Variants in CENPP observed in about 807,000 individuals in gnomAD.
CENPP encodes centromere protein P.
Under a neutral mutation model 35.6 loss-of-function variants are expected in CENPP, and 24 were observed. That is an observed-to-expected ratio of 0.67 (90% confidence interval 0.49 to 0.95). The LOEUF (loss-of-function observed/expected upper bound fraction) is 0.95. CENPP is among the 40% of genes least tolerant of loss of function. CENPP has a pLI of 0.00. For synonymous variants in CENPP, 120 were observed against 125.5 expected (o/e 0.96, Z 0.29); for missense variants, 332 against 345.3 (o/e 0.96, Z 0.31).
At chr9:92,331,263 C>T (rs1041005542) in intron 1 of CENPP, among the ~76,000 whole-genome samples, 2 of 152,152 alleles carry the variant, frequency 1.3e-5, no homozygotes, top group Admixed American at 1.3e-4. Flanking sequence ...TCACTGCAAG[C>T]TCCGCCTCCC....
At chr9:92,567,393 T>TATATATAG (rs1554688302) in intron 5 of CENPP, among the ~76,000 whole-genome samples, 57 of 124,914 alleles carry the variant, frequency 4.6e-4, no homozygotes, top group African/African-American at 8.5e-4. Context: ...TATATATATA[T>TATATATAG]ATAGATATAT....
At chr9:92,420,397 A>G (rs1843752835) in intron 5 of CENPP, among the ~76,000 whole-genome samples, 1 of 151,854 alleles carries the variant, frequency 6.6e-6, no homozygotes, top group Admixed American at 6.6e-5. Flanking sequence ...CCAAACTCCA[A>G]CTCTGGTTAC....
chr9:92,463,189 C>T (rs749626629), intron 5 of CENPP, among the ~76,000 whole-genome samples: 7 of 152,166 alleles, frequency 4.6e-5, no homozygotes, highest in South Asian at 2.1e-4. Flanking sequence ...ACTTCCTGAA[C>T]GAATAGGAAA....
intron 5 of CENPP, among the ~76,000 whole-genome samples, chr9:92,488,830 G>T (rs767358907): frequency 6.6e-6 from 1 of 152,114 alleles, no homozygotes; most frequent in Non-Finnish European, 1.5e-5. Context: ...ATAACATGAT[G>T]TATTCCTTTT....
chr9:92,516,383 C>A (rs1847723213), intron 5 of CENPP, among the ~76,000 whole-genome samples: 1 of 152,080 alleles, frequency 6.6e-6, no homozygotes, highest in Non-Finnish European at 1.5e-5. Context: ...CGTTTTCTTC[C>A]ATCAAGATTT....
chr9:92,392,491 A>G (rs1358962694), intron 5 of CENPP, among the ~76,000 whole-genome samples: 4 of 152,034 alleles, frequency 2.6e-5, no homozygotes, highest in Admixed American at 6.6e-5. Flanking sequence ...GTGTGGTGGC[A>G]CACACCTCAG....
intron 5 of CENPP, chr9:92,466,719 A>G: frequency 1.5e-6 from 1 of 669,302 alleles, no homozygotes; most frequent in Non-Finnish European, 2.5e-6. Context: ...AGCCCAATCT[A>G]AGCTTTTAAA....
Position 92,330,970 on chromosome 9 carries a change from G to A in CENPP, c.108-1200G>A, listed in dbSNP as rs141217438. 2.0e-3 allele frequency among the ~76,000 whole-genome samples: 309 copies of A among 152,162 alleles called. 1 individual carries two copies. Among genetic ancestry groups the A allele is most frequent in the African/African-American group, 7.2e-3 (299 of 41,550 alleles). ...CTCCCAAAGTGCTGGGATTGCAGGCGTGAGCCACTGCGCCAGGCCAACTAA... is the reference window on the plus strand; with the variant it reads ...CTCCCAAAGTGCTGGGATTGCAGGCATGAGCCACTGCGCCAGGCCAACTAA... On this transcript the variant is annotated intron_variant, in intron 1 of 7. Coordinates refer to ENST00000375587, the MANE Select transcript of CENPP (RefSeq NM_001012267.3).
At chr9:92,553,342 T>C (rs772180346) in intron 5 of CENPP, among the ~76,000 whole-genome samples, 1 of 152,230 alleles carries the variant, frequency 6.6e-6, no homozygotes, top group Non-Finnish European at 1.5e-5. Context: ...GGTTGTGTGA[T>C]GTCTCCAGAT....
Position 92,459,486 on chromosome 9 carries a change from CTTA to C in CENPP, c.564+79628_564+79630del. The C allele has an allele frequency of 5.5e-6, 4 of 723,984 alleles. No individual in the cohort carries two copies. In the East Asian group the frequency reaches 1.1e-4, roughly 19 times the overall value. The allele number at this position is 723,984 out of a possible 1,614,324, so 44.8% of individuals were successfully genotyped here. On this transcript the variant is annotated intron_variant, in intron 5 of 7. Transcript: ENST00000375587. ...CCATTCTCCTAAAGCTCTCCTACTT[CTTA>C]AAACACCTCATGCAACCTGGAGAGT...
At chr9:92,389,931 G>T in intron 5 of CENPP, 2 of 1,613,238 alleles carry the variant, frequency 1.2e-6, no homozygotes, top group Non-Finnish European at 1.7e-6. Flanking sequence ...TTGGGAGGAA[G>T]AACTGGAAGT....
chr9:92,390,840 C>T (rs936956410), intron 5 of CENPP, among the ~76,000 whole-genome samples: 2 of 152,190 alleles, frequency 1.3e-5, no homozygotes, highest in African/African-American at 2.4e-5. Context: ...ATTGTTGAAT[C>T]ATTAATATTG....
intron 4 of CENPP, among the ~76,000 whole-genome samples, chr9:92,369,459 G>C (rs748776588): frequency 6.6e-6 from 1 of 152,162 alleles, no homozygotes; most frequent in Non-Finnish European, 1.5e-5. Context: ...GTGGTTGGAG[G>C]TGTGGATTCT....
chr9:92,587,428 C>T (rs757587516), intron 5 of CENPP, among the ~76,000 whole-genome samples: 4 of 151,888 alleles, frequency 2.6e-5, no homozygotes, highest in East Asian at 1.9e-4. Context: ...GAGATCATGC[C>T]GTTGCACTCC....
chr9:92,494,058 C>G, intron 5 of CENPP: 1 of 1,596,216 alleles, frequency 6.3e-7, no homozygotes, highest in Middle Eastern at 1.7e-4. Flanking sequence ...GCTTACTTGT[C>G]TGTTTGATTT....
intron 1 of CENPP, among the ~76,000 whole-genome samples, chr9:92,330,659 AAAGTTT>A (rs1464387581): frequency 2.0e-5 from 3 of 151,110 alleles, no homozygotes; most frequent in Non-Finnish European, 4.4e-5. Context: ...TTTTTTTAAA[AAAGTTT>A]AAGTTTTTTT....
At chr9:92,436,143 A>G (rs1844240415) in intron 5 of CENPP, among the ~76,000 whole-genome samples, 1 of 152,168 alleles carries the variant, frequency 6.6e-6, no homozygotes, top group South Asian at 2.1e-4. Context: ...TTTAATTTGC[A>G]TTTCCCAAAT....
intron 5 of CENPP, chr9:92,496,380 A>G (rs1182980993): frequency 6.2e-7 from 1 of 1,609,410 alleles, no homozygotes; most frequent in Middle Eastern, 1.7e-4. Flanking sequence ...AATGTGTAAG[A>G]TGGTATTTCT....
intron 2 of CENPP, among the ~76,000 whole-genome samples, chr9:92,333,970 C>T (rs1007951051): frequency 6.6e-6 from 1 of 152,168 alleles, no homozygotes; most frequent in East Asian, 1.9e-4. Context: ...TTTCTCCAAA[C>T]ATTTTTTAGA....
Sources: allele counts gnomAD v4.1 joint callset (sites outside exome capture counted in the v4.1 genomes callset), GRCh38; gene constraint gnomAD v4.1.1; transcripts MANE v1.5; gene names NCBI Gene and HGNC (gene_info 2026-07-23, HGNC 2026-07-21).